Variants in USP1 observed in about 807,000 individuals in gnomAD.
USP1 encodes ubiquitin specific peptidase 1, also known as ubiquitin carboxyl-terminal hydrolase 1.
Under a neutral mutation model 72.2 loss-of-function variants are expected in USP1, and 18 were observed. The ratio of observed to expected loss-of-function variants is 0.25; its 90% confidence interval spans 0.17 to 0.37. USP1 has a LOEUF of 0.37. Among genes scored for constraint, USP1 ranks in the 10% least tolerant of loss-of-function variants. The probability of loss-of-function intolerance (pLI) is 1.00; values close to 1 mark genes in which losing one functional copy is unlikely to be tolerated. For missense variants in USP1, 759 were observed against 884.9 expected, an observed-to-expected ratio of 0.86 and a Z score of 1.81; for synonymous variants, 354 against 303.7, an observed-to-expected ratio of 1.17 and a Z score of -1.72.
intron 1 of USP1, among the ~76,000 whole-genome samples, chr1:62,439,472 C>CG: frequency 6.6e-6 from 1 of 152,316 alleles, no homozygotes; most frequent in South Asian, 2.1e-4. Context: ...CGTGAGCTAT[C>CG]GCTTCCGGCC....
chr1:62,447,356 G>A lies in USP1; in HGVS notation c.1265G>A (p.Gly422Asp). The A allele has an allele frequency of 6.2e-7, 1 of 1,613,442 alleles. No homozygotes were observed. The highest frequency in any genetic ancestry group is 8.5e-7 in the Non-Finnish European group (1 of 1,179,810). Residue 422 changes from glycine to aspartate, a missense_variant, in exon 7 of 9, where the codon GGT becomes GAT. Physicochemically the swap from Gly to Asp is moderately conservative, Grantham distance 94. Around this residue, in one of 9 missense-constraint regions of USP1, gnomAD observed 245 missense variants for 240.7 expected, o/e 1.02. Coordinates refer to ENST00000339950, the MANE Select transcript of USP1 (RefSeq NM_003368.5). ...TTCATTTTAGGTGAAGAACAAATTG[G>A]TTTTGAGCTAGTGGAGAAATTATTT... ...KPINKGEEQI[G>D]FELVEKLFQG...
Position 62,437,175 on chromosome 1 carries a change from C to T in USP1, c.-295C>T, listed in dbSNP as rs928384482. The T allele has an allele frequency of 7.8e-5, 31 of 398,830 alleles. No homozygotes were observed. Among genetic ancestry groups the T allele is most frequent in the Non-Finnish European group, 1.2e-4 (27 of 226,072 alleles). 24.7% of individuals were successfully genotyped at this position (398,830 alleles called of 1,614,324 possible). A position where few individuals can be genotyped will look rare whatever the true frequency, so the allele number is the denominator to read the frequency against. ...GGGGCGGGCGCAGATGGGCGCCGCT[C>T]CCGGGATGTAGTTGGTGTTGGTGCA... On this transcript the variant is annotated 5_prime_UTR_variant, in exon 1 of 9. Transcript: ENST00000339950.
In USP1 at chr1:62,451,131, T is replaced by G; in HGVS notation, c.*150T>G. 1 of 794,376 alleles carries G rather than the reference T, an allele frequency of 1.3e-6. No individual in the cohort carries two copies. Among genetic ancestry groups the G allele is most frequent in the Non-Finnish European group, 1.8e-6 (1 of 554,898 alleles). 49.2% of individuals were successfully genotyped at this position (794,376 alleles called of 1,614,324 possible). ...TTTATATAAATAGTGAAATTTGAAT[T>G]ACTGAAAACCATGTTAATTTTTAGA... On this transcript the variant is annotated 3_prime_UTR_variant, in exon 9 of 9. Transcript: ENST00000339950.
intron 3 of USP1, 115 bp from the exon 4 acceptor site, chr1:62,442,080 A>C (rs1256869269): frequency 3.6e-5 from 25 of 698,410 alleles, no homozygotes; most frequent in Non-Finnish European, 5.5e-5. Context: ...ACTTAATCTC[A>C]GAATTTTAGG....
Position 62,447,524 on chromosome 1 carries a change from G to A in USP1, c.1420+13G>A. 6.2e-7 allele frequency: 1 copy of A among 1,608,408 alleles called. No individual in the cohort carries two copies. Among genetic ancestry groups the A allele is most frequent in the Admixed American group, 1.7e-5 (1 of 58,484 alleles). On this transcript the variant is annotated intron_variant, in intron 7 of 8. Coordinates refer to ENST00000339950, the MANE Select transcript of USP1 (RefSeq NM_003368.5). ...GAGAGTTCTGAAAGTAAGCAAAATT[G>A]GAGTCTTGTGTGGACCATGATGGAA...
upstream of USP1, chr1:62,436,801 C>G (rs552594347): frequency 2.7e-5 from 7 of 257,426 alleles, no homozygotes; most frequent in South Asian, 1.2e-3. Context: ...CAGCGAGGAC[C>G]CGCACGAGCT....
At chr1:62,436,782 G>A, upstream of USP1, 1 of 230,862 alleles carries the variant, frequency 4.3e-6, no homozygotes, top group Non-Finnish European at 8.4e-6. Context: ...AGCACCTCGC[G>A]CGCGCCCTCA....
intron 1 of USP1, 114 bp downstream of exon 1, chr1:62,437,514 C>T (rs1645098755): frequency 1.3e-5 from 3 of 224,866 alleles, no homozygotes; most frequent in Non-Finnish European, 2.6e-5. Context: ...GCACCCTGGT[C>T]GACCTGCCAG....
At chr1:62,446,213 C>G (rs1645172252) in intron 6 of USP1, among the ~76,000 whole-genome samples, 2 of 152,046 alleles carry the variant, frequency 1.3e-5, no homozygotes, top group Admixed American at 6.6e-5. Flanking sequence ...CAACTAGATG[C>G]TAGAGCGTAC....
intron 6 of USP1, among the ~76,000 whole-genome samples, chr1:62,446,836 CAG>C (rs1345480738): frequency 1.3e-5 from 2 of 151,618 alleles, no homozygotes; most frequent in African/African-American, 4.8e-5. Flanking sequence ...TTTTTGGAGA[CAG>C]AGTTTTGCTC....
At chr1:62,449,738 C>T (rs116290777) in intron 8 of USP1, among the ~76,000 whole-genome samples, 1,701 of 151,800 alleles carry the variant, frequency 0.011, 42 homozygotes, top group African/African-American at 0.039. Context: ...ATGACAAAAC[C>T]CTATCTCTAC....
chr1:62,446,501 T>C (rs889808827), intron 6 of USP1, among the ~76,000 whole-genome samples: 3 of 152,234 alleles, frequency 2.0e-5, no homozygotes, highest in African/African-American at 7.2e-5. Context: ...CACAATGGTA[T>C]TTGTGTATCT....
In USP1 at chr1:62,448,541, A is replaced by G. The variant is rs1645192395; in HGVS notation, c.1497A>G (p.Val499=). ...AATTTGCTTCAGTAGAAAGGATTGT[A>G]GGAGAAGATAAATATTTCTGTGAAA... is the stretch of plus-strand genomic sequence containing the variant. ...ISQFASVERI[V]GEDKYFCENC... Residue 499 remains valine, a synonymous_variant, in exon 8 of 9, where the codon GTA becomes GTG. Transcript: ENST00000339950. The G allele has an allele frequency of 6.2e-7, 1 of 1,613,982 alleles. No individual in the cohort carries two copies. The highest frequency in any genetic ancestry group is 8.5e-7 in the Non-Finnish European group (1 of 1,179,924).
At chr1:62,448,709 T>C (rs1168717750) in intron 8 of USP1, 43 bp downstream of exon 8, 3 of 1,573,836 alleles carry the variant, frequency 1.9e-6, no homozygotes, top group Non-Finnish European at 2.6e-6. Context: ...AATGAGCTGC[T>C]GTAGAAGATA....
rs780346890 is a variant in USP1, at chr1:62,445,113, A to G, written c.933A>G (p.Leu311=). The G allele has an allele frequency of 3.7e-6, 6 of 1,613,582 alleles. No individual in the cohort carries two copies. In the South Asian group the frequency reaches 5.5e-5, roughly 15 times the overall value. ...RSKRKATSDT[L]ESPPKIIPKY... ...AAAGAAAAGCTACAAGTGATACATT[A>G]GAGAGTCCTCCTAAAATAATTCCCA... Residue 311 remains leucine (L), a synonymous_variant, in exon 6 of 9, where the codon TTA becomes TTG. Transcript: ENST00000339950.
At chr1:62,437,492 C>T (rs887740979) in intron 1 of USP1, 92 bp downstream of exon 1, 5 of 267,682 alleles carry the variant, frequency 1.9e-5, no homozygotes, top group Non-Finnish European at 2.8e-5. Context: ...ACCCCGGGAC[C>T]GTGTTGGCCT....
In USP1 at chr1:62,444,726, T is replaced by C. The variant is rs1240504681; in HGVS notation, c.558-12T>C. The C allele has an allele frequency of 2.0e-6, 3 of 1,510,728 alleles. No individual in the cohort carries two copies. Among genetic ancestry groups the C allele is most frequent in the Admixed American group, 2.5e-5 (1 of 40,674 alleles). 93.6% of individuals were successfully genotyped at this position (1,510,728 alleles called of 1,614,324 possible). On this transcript the variant is annotated splice_polypyrimidine_tract_variant and intron_variant, in intron 5 of 8. Coordinates refer to ENST00000339950, the MANE Select transcript of USP1 (RefSeq NM_003368.5). The stretch of plus-strand genomic sequence containing the variant: ...AAACTAGAATAGATGAAATGGAAAT[T>C]TTTATTTATAGGGAACTCAACCCTA...
intron 7 of USP1, among the ~76,000 whole-genome samples, chr1:62,447,882 G>C (rs567981536): frequency 7.2e-5 from 11 of 152,148 alleles, no homozygotes; most frequent in Non-Finnish European, 1.5e-4. Context: ...CGCCTTCTGG[G>C]TTCATGCCAT....
intron 3 of USP1, among the ~76,000 whole-genome samples, chr1:62,441,864 TTC>T (rs1645136470): frequency 6.6e-6 from 1 of 152,224 alleles, no homozygotes; most frequent in African/African-American, 2.4e-5. Context: ...TTTAATTTCT[TTC>T]TCTGATTCCT....
Sources: allele counts gnomAD v4.1 joint callset (sites outside exome capture counted in the v4.1 genomes callset), GRCh38; gene constraint gnomAD v4.1.1; regional missense constraint gnomAD v4.1.1; transcripts MANE v1.5; gene names NCBI Gene and HGNC (gene_info 2026-07-23, HGNC 2026-07-21).